Variants in PKD1 observed in about 807,000 individuals in gnomAD.
PKD1 encodes polycystin 1, transient receptor potential channel interacting.
A neutral mutation model predicts 361.7 loss-of-function variants in PKD1; 81 were observed. That is an observed-to-expected ratio of 0.22 (90% CI 0.19 to 0.27). The LOEUF (loss-of-function observed/expected upper bound fraction) is 0.27. PKD1 is among the 10% of genes least tolerant of loss of function. PKD1 has a pLI of 1.00. For synonymous variants in PKD1, 3,615 were observed against 2,818.3 expected (o/e 1.28, Z -8.95); for missense variants, 6,399 against 6,118.3 (o/e 1.05, Z -1.53).
rs764895445 is a variant in PKD1, at chr16:2,106,964, G to A, written c.7066-16C>T. The A allele has an allele frequency of 7.0e-6, 11 of 1,581,864 alleles. No individual in the cohort carries two copies. The highest frequency in any genetic ancestry group is 8.6e-6 in the Non-Finnish European group (10 of 1,168,474). The stretch of plus-strand genomic sequence containing the variant: ...GGATCAGCACCTGGCGTGGGAGTGG[G>A]GTTACCTCCAACACAGGTCTATTTG... On this transcript the variant is annotated splice_polypyrimidine_tract_variant and intron_variant, in intron 16 of 45. Coordinates refer to ENST00000262304, the MANE Select transcript of PKD1 (RefSeq NM_001009944.3). This position sits in a 1 kb window ranked among gnomAD's most constrained non-coding sequence, Gnocchi z 6.5.
rs571728742 is a variant in PKD1, at chr16:2,110,906, C to T, written c.4261G>A (p.Ala1421Thr). Residue 1421 changes from alanine (A) to threonine (T), a missense_variant, in exon 15 of 46, where the codon GCC becomes ACC. Ala to Thr is a moderately conservative substitution (Grantham distance 58). Coordinates refer to ENST00000262304, the MANE Select transcript of PKD1 (RefSeq NM_001009944.3). ...RYTWDFGTEE[A>T]APTRARGPEV... ...GGGCCCCTGGCACGGGTGGGGGCGGCTTCCTCGGTGCCAAAGTCCCAGGTG... is the reference window on the plus strand; with the variant it reads ...GGGCCCCTGGCACGGGTGGGGGCGGTTTCCTCGGTGCCAAAGTCCCAGGTG... The T allele has an allele frequency of 3.7e-6, 6 of 1,611,422 alleles. No individual in the cohort carries two copies. Among genetic ancestry groups the T allele is most frequent in the Admixed American group, 1.7e-5 (1 of 60,014 alleles).
chr16:2,132,339 G>C (rs1378986066), intron 1 of PKD1, among the ~76,000 whole-genome samples: 1 of 151,638 alleles, frequency 6.6e-6, no homozygotes, highest in Non-Finnish European at 1.5e-5. Context: ...GGAGGCCGAG[G>C]TGGGCAGATC....
At chr16:2,122,060 CGGGGCCA>C (rs1345152025) in intron 1 of PKD1, among the ~76,000 whole-genome samples, 1 of 152,222 alleles carries the variant, frequency 6.6e-6, no homozygotes, top group Admixed American at 6.5e-5. Flanking sequence ...CGGTGGGGCC[CGGGGCCA>C]GGGCAAGAGC....
At chr16:2,112,647 C>T in intron 13 of PKD1, 141 bp downstream of exon 13, 1 of 1,093,686 alleles carries the variant, frequency 9.1e-7, no homozygotes, top group South Asian at 1.3e-5. Flanking sequence ...CCTCAGGGCT[C>T]CTGTGCACCC....
chr16:2,090,594 C>G lies in PKD1; in HGVS notation c.12139-4G>C. On this transcript the variant is annotated splice_region_variant and splice_polypyrimidine_tract_variant and intron_variant, in intron 44 of 45. Coordinates refer to ENST00000262304, the MANE Select transcript of PKD1 (RefSeq NM_001009944.3). The stretch of plus-strand genomic sequence containing the variant: ...AGTCCACACAGGAAGACACGAGCTG[C>G]GGGGAAGGCGACACCAGTGAGGGCG... 6.2e-7 allele frequency: 1 copy of G among 1,608,284 alleles called. No homozygotes were observed. The highest frequency in any genetic ancestry group is 8.5e-7 in the Non-Finnish European group (1 of 1,179,692).
chr16:2,106,648 C>T lies in PKD1; in HGVS notation c.7239G>A (p.Lys2413=). Residue 2413 remains lysine, a synonymous_variant, in exon 18 of 46, where the codon AAG becomes AAA. Transcript: ENST00000262304. This position sits in a 1 kb window ranked among gnomAD's most constrained non-coding sequence, Gnocchi z 6.5. ...GRWAARTFSN[K]TLVLDETTTS... ...TGGTGGTCTCATCCAGCACCAGCGT[C>T]TTGTTGCTGAACGTACGTGCAGCCC... 6.3e-7 allele frequency: 1 copy of T among 1,598,062 alleles called. No homozygotes were observed. The highest frequency in any genetic ancestry group is 8.5e-7 in the Non-Finnish European group (1 of 1,179,204).
At position 2,114,802 on chromosome 16, in the gene PKD1, G is replaced by A. The variant is rs753325067; in HGVS notation, c.2221C>T (p.Pro741Ser). ...GACGAGGCGTTGGCGGAGAGGTACG[G>A]GGCCCGGGGACCAGGGTGGCCGGGA... ...PAPGHPGPRA[P>S]YLSANASSWL... Residue 741 changes from proline (P) to serine (S), a missense_variant, in exon 11 of 46, where the codon CCG becomes TCG. Transcript: ENST00000262304. 1.1e-4 allele frequency: 115 copies of A among 1,002,128 alleles called. No homozygotes were observed. The Admixed American group carries it at 1.3e-3, about 11-fold the overall frequency. 62.1% of individuals were successfully genotyped at this position (1,002,128 alleles called of 1,614,324 possible). A position where few individuals can be genotyped will look rare whatever the true frequency, so the allele number is the denominator to read the frequency against.
chr16:2,107,988 G>T lies in PKD1; in HGVS notation c.6960C>A (p.Ser2320Arg). Reference sequence around the variant, plus strand: ...GCTCCCGTGGAATGGTGACCGTGCTGCTCCCGCGGGGCCCAAAGTTCAGCG... The same window carrying T: ...GCTCCCGTGGAATGGTGACCGTGCTTCTCCCGCGGGGCCCAAAGTTCAGCG... ...GCALNFGPRG[S>R]STVTIPRERL... is the part of the protein sequence containing the mutation. Residue 2320 changes from serine to arginine, a missense_variant, in exon 16 of 46, where the codon AGC becomes AGA. Ser to Arg is a moderately radical substitution (Grantham distance 110). Transcript: ENST00000262304. 6.5e-7 allele frequency: 1 copy of T among 1,548,008 alleles called. No homozygotes were observed. Among genetic ancestry groups the T allele is most frequent in the Non-Finnish European group, 8.7e-7 (1 of 1,146,988 alleles).
At position 2,090,339 on chromosome 16, in the gene PKD1, C is replaced by A; in HGVS notation, c.12390G>T (p.Val4130=). ...PAWEPQDYEM[V]ELFLRRLRLW... ...GGCGCAGCCTGCGCAGGAACAACTCCACCATCTCGTAGTCCTGGGGCTCCC... is the reference window on the plus strand; with the variant it reads ...GGCGCAGCCTGCGCAGGAACAACTCAACCATCTCGTAGTCCTGGGGCTCCC... Residue 4130 remains valine (V), a synonymous_variant, in exon 45 of 46, where the codon GTG becomes GTT. Coordinates refer to ENST00000262304, the MANE Select transcript of PKD1 (RefSeq NM_001009944.3). 6.2e-7 allele frequency: 1 copy of A among 1,612,424 alleles called. No homozygotes were observed. The highest frequency in any genetic ancestry group is 2.2e-5 in the East Asian group (1 of 44,870).
chr16:2,112,316 C>T, intron 14 of PKD1, 24 bp downstream of exon 14: 3 of 1,576,748 alleles, frequency 1.9e-6, no homozygotes, highest in Non-Finnish European at 2.6e-6. Flanking sequence ...AAGGCAGTGG[C>T]CCCCTCACCC....
chr16:2,099,196 C>T (rs1272876633), intron 30 of PKD1: 2 of 345,492 alleles, frequency 5.8e-6, no homozygotes, highest in Non-Finnish European at 1.1e-5. Flanking sequence ...AACTCCTGGA[C>T]TCAGATCCGC....
intron 34 of PKD1, among the ~76,000 whole-genome samples, chr16:2,094,489 T>C (rs1428318706): frequency 1.3e-5 from 2 of 152,170 alleles, no homozygotes; most frequent in African/African-American, 2.4e-5. Flanking sequence ...CAGCTGCCCT[T>C]ACAGCAGTGC....
chr16:2,106,694 T>C lies in PKD1; in HGVS notation c.7210-17A>G. On this transcript the variant is annotated splice_polypyrimidine_tract_variant and intron_variant, in intron 17 of 45. Transcript: ENST00000262304. This position sits in a 1 kb window ranked among gnomAD's most constrained non-coding sequence, Gnocchi z 6.5. ...AGCCCACCGCTGCAGGCAGAAGGGG[T>C]GGTGAGGGGGCGCAACCCTCTGCCC... 1.3e-6 allele frequency: 2 copies of C among 1,589,556 alleles called. No homozygotes were observed. Among genetic ancestry groups the C allele is most frequent in the Non-Finnish European group, 1.7e-6 (2 of 1,175,118 alleles).
Position 2,135,877 on chromosome 16 carries a change from T to C in PKD1, c.-188A>G. 1 of 220,952 alleles carries C rather than the reference T, an allele frequency of 4.5e-6. No homozygotes were observed. The highest frequency in any genetic ancestry group is 7.5e-6 in the Non-Finnish European group (1 of 132,862). The allele number at this position is 220,952 out of a possible 1,614,324, so 13.7% of individuals were successfully genotyped here. A position where few individuals can be genotyped will look rare whatever the true frequency, so the allele number is the denominator to read the frequency against. On this transcript the variant is annotated 5_prime_UTR_variant, in exon 1 of 46. Transcript: ENST00000262304. Reference sequence around the variant, plus strand: ...CCGCTCCGGGAGCTCGGCCGCCCGCTCGGACGCTGGCGCTGCAGTGCGGGC... The same window carrying C: ...CCGCTCCGGGAGCTCGGCCGCCCGCCCGGACGCTGGCGCTGCAGTGCGGGC...
rs1326867294 is a variant in PKD1 at position 2,089,527 on chromosome 16, G to A, written c.*200C>T. The A allele has an allele frequency of 4.7e-6, 3 of 631,662 alleles. No homozygotes were observed. The highest frequency in any genetic ancestry group is 1.8e-5 in the African/African-American group (1 of 54,770). 39.1% of individuals were successfully genotyped at this position (631,662 alleles called of 1,614,324 possible). A position where few individuals can be genotyped will look rare whatever the true frequency, so the allele number is the denominator to read the frequency against. ...CTGCTGTGTCCTTCCCAAGGGAGCT[G>A]GGGAGGGGACCCTGGGTCCTGGTTG... On this transcript the variant is annotated 3_prime_UTR_variant, in exon 46 of 46. Coordinates refer to ENST00000262304, the MANE Select transcript of PKD1 (RefSeq NM_001009944.3).
intron 1 of PKD1, among the ~76,000 whole-genome samples, chr16:2,120,931 C>A (rs1417253350): frequency 6.6e-6 from 1 of 151,922 alleles, no homozygotes; most frequent in Admixed American, 6.6e-5. Context: ...GCAGGAGAAT[C>A]ACGTGAACCC....
rs577702794 is a variant in PKD1 at position 2,089,663 on chromosome 16, G to A, written c.*64C>T. 169 of 1,534,384 alleles carry A rather than the reference G, an allele frequency of 1.1e-4. No homozygotes were observed. Among genetic ancestry groups the A allele is most frequent in the Non-Finnish European group, 1.5e-4 (167 of 1,135,604 alleles). On this transcript the variant is annotated 3_prime_UTR_variant, in exon 46 of 46. Coordinates refer to ENST00000262304, the MANE Select transcript of PKD1 (RefSeq NM_001009944.3). ...TGCCTGGCCCTCGGCCTTGACAGCGGCAGAAAGTAATACTGAGCGGTGTCC... is the reference window on the plus strand; with the variant it reads ...TGCCTGGCCCTCGGCCTTGACAGCGACAGAAAGTAATACTGAGCGGTGTCC...
Position 2,109,657 on chromosome 16 carries a change from C to T in PKD1, c.5510G>A (p.Trp1837Ter), listed in dbSNP as rs2092450284. The change falls in exon 15 of 46, where the codon TGG (tryptophan) becomes TAG (stop). Residue 1837 changes from tryptophan (W) to a stop codon, truncating the protein, a stop_gained. Coordinates refer to ENST00000262304, the MANE Select transcript of PKD1 (RefSeq NM_001009944.3). LOFTEE classifies it high-confidence loss of function. ...GQLATGTNVS[W>*]CWAVPGGSSK... Reference sequence around the variant, plus strand: ...GCTGCCGCCGGGCACAGCCCAGCACCAGCTCACATTGGTGCCCGTGGCCAG... The same window carrying T: ...GCTGCCGCCGGGCACAGCCCAGCACTAGCTCACATTGGTGCCCGTGGCCAG... 1 of 1,591,378 alleles carries T rather than the reference C, an allele frequency of 6.3e-7. No individual in the cohort carries two copies.
intron 15 of PKD1, 58 bp from the exon 16 acceptor site, chr16:2,108,090 G>A: frequency 6.3e-7 from 1 of 1,580,974 alleles, no homozygotes; most frequent in Non-Finnish European, 8.6e-7. Flanking sequence ...TTTTAAAGCA[G>A]AGCCCGGCCC....
Sources: gnomAD v4.1 joint callset for allele counts (sites outside exome capture counted in the v4.1 genomes callset) on GRCh38, gnomAD v4.1.1 for gene constraint, Gnocchi (gnomAD v3.1) non-coding constraint, MANE v1.5 for transcripts, NCBI Gene and HGNC (gene_info 2026-07-23, HGNC 2026-07-21) for gene names.